Variants in TRIM2 observed in about 807,000 individuals in gnomAD.
TRIM2 encodes the protein tripartite motif-containing protein 2.
TRIM2 carries 20 observed loss-of-function variants against 75.2 expected under a neutral mutation model. The observed-to-expected ratio is 0.27, with a 90% confidence interval of 0.19 to 0.39. TRIM2 has a LOEUF of 0.39. TRIM2 is among the 10% of genes least tolerant of loss of function. The pLI is 1.00. For missense variants in TRIM2, 660 were observed against 990.8 expected (o/e 0.67, Z 4.48); for synonymous variants, 373 against 388.3 (o/e 0.96, Z 0.46).
intron 1 of TRIM2, among the ~76,000 whole-genome samples, chr4:153,244,418 TTC>T (rs369688061): frequency 1.3e-4 from 11 of 84,362 alleles, no homozygotes; most frequent in Admixed American, 3.9e-4. Flanking sequence ...CTTCTTCTTC[TTC>T]TTCTTCTTCT....
At chr4:153,157,625 G>A (rs909062894) in intron 1 of TRIM2, among the ~76,000 whole-genome samples, 14 of 152,134 alleles carry the variant, frequency 9.2e-5, no homozygotes, top group Admixed American at 5.9e-4. Flanking sequence ...TAGTGACTGC[G>A]TAAAAAATGT....
intron 8 of TRIM2, 114 bp from the exon 9 acceptor site, chr4:153,322,534 C>G: frequency 8.6e-7 from 1 of 1,160,858 alleles, no homozygotes. Flanking sequence ...TAGCTGTGTA[C>G]CCGTTTGAAC....
At chr4:153,186,243 C>A (rs1732584586) in intron 1 of TRIM2, among the ~76,000 whole-genome samples, 2 of 152,058 alleles carry the variant, frequency 1.3e-5, no homozygotes, top group African/African-American at 4.8e-5. Context: ...GGAACTGGGT[C>A]ACTTTTCCTC....
intron 1 of TRIM2, among the ~76,000 whole-genome samples, chr4:153,178,230 G>C (rs368517399): frequency 6.6e-6 from 1 of 151,936 alleles, no homozygotes; most frequent in Non-Finnish European, 1.5e-5. Flanking sequence ...AATGCAGCTC[G>C]GTTAGCACAG....
At chr4:153,233,609 A>G (rs1202504003) in intron 1 of TRIM2, among the ~76,000 whole-genome samples, 1 of 152,112 alleles carries the variant, frequency 6.6e-6, no homozygotes, top group Non-Finnish European at 1.5e-5. Context: ...GAAGAAACCC[A>G]TGGGAAAGGA....
In TRIM2 at chr4:153,230,282, G is replaced by A. The variant is rs532585364; in HGVS notation, c.30+25722G>A. Among the ~76,000 whole-genome samples, 172 of 152,222 alleles carry A rather than the reference G, an allele frequency of 1.1e-3. 1 individual carries two copies. Among genetic ancestry groups the A allele is most frequent in the Admixed American group, 3.3e-3 (51 of 15,300 alleles). The stretch of plus-strand genomic sequence containing the variant: ...TGCAGCCTTTGCCTCCAGGGCTCAA[G>A]CGATCCTCCCATCTCAGCCTCCTGA... On this transcript the variant is annotated intron_variant, in intron 1 of 11. Coordinates refer to ENST00000338700, the MANE Select transcript of TRIM2 (RefSeq NM_015271.5).
chr4:153,335,225 A>G lies in TRIM2; in HGVS notation c.*259A>G. 3.5e-6 allele frequency: 4 copies of G among 1,154,936 alleles called. No individual in the cohort carries two copies. Among genetic ancestry groups the G allele is most frequent in the Non-Finnish European group, 4.3e-6 (4 of 938,234 alleles). The allele number at this position is 1,154,936 out of a possible 1,614,324, so 71.5% of individuals were successfully genotyped here. On this transcript the variant is annotated 3_prime_UTR_variant, in exon 12 of 12. Transcript: ENST00000338700. ...ACATCTGTGAACTATGGCTTAAGGG[A>G]CAGGATTTATGTAGCTAAACTAATT...
chr4:153,196,760 C>T (rs1412185626), intron 1 of TRIM2, among the ~76,000 whole-genome samples: 3 of 152,170 alleles, frequency 2.0e-5, no homozygotes, highest in Non-Finnish European at 2.9e-5. Context: ...TTGCATGGGT[C>T]CTGGGATTAA....
chr4:153,317,291 G>A (rs1051314917), intron 8 of TRIM2, among the ~76,000 whole-genome samples: 1 of 151,816 alleles, frequency 6.6e-6, no homozygotes, highest in African/African-American at 2.4e-5. Flanking sequence ...ATTACTGTTT[G>A]GCCATCTGCA....
chr4:153,197,903 C>T (rs932083110), intron 1 of TRIM2, among the ~76,000 whole-genome samples: 25 of 152,096 alleles, frequency 1.6e-4, no homozygotes, highest in African/African-American at 5.8e-4. Context: ...ATGAGAGACC[C>T]GAGAGCTCTT....
At chr4:153,194,423 A>G (rs1191359117) in intron 1 of TRIM2, among the ~76,000 whole-genome samples, 2 of 152,116 alleles carry the variant, frequency 1.3e-5, no homozygotes, top group Non-Finnish European at 2.9e-5. Flanking sequence ...ATTTTGGTTG[A>G]TGCAACAACA....
upstream of TRIM2, among the ~76,000 whole-genome samples, chr4:153,200,691 C>A (rs1392755243): frequency 6.9e-6 from 1 of 144,440 alleles, no homozygotes; most frequent in African/African-American, 2.6e-5. Flanking sequence ...TCCTCCTCAA[C>A]ACTTGTTTTC....
At chr4:153,229,964 C>T (rs1743173965) in intron 1 of TRIM2, among the ~76,000 whole-genome samples, 1 of 152,174 alleles carries the variant, frequency 6.6e-6, no homozygotes, top group African/African-American at 2.4e-5. Flanking sequence ...CTTCAATCTT[C>T]CTTATTCAGC....
In TRIM2 at chr4:153,204,471, T is replaced by G; in HGVS notation, c.-60T>G. Reference sequence around the variant, plus strand: ...AGCTTGATGACTATAATGGGCCCAGTTGTCTGCGGGCTGCGGGGAGCTAAG... The same window carrying G: ...AGCTTGATGACTATAATGGGCCCAGGTGTCTGCGGGCTGCGGGGAGCTAAG... On this transcript the variant is annotated 5_prime_UTR_variant, in exon 1 of 12. Transcript: ENST00000338700. The G allele has an allele frequency of 6.5e-7, 1 of 1,546,276 alleles. No homozygotes were observed. Among genetic ancestry groups the G allele is most frequent in the South Asian group, 1.2e-5 (1 of 83,936 alleles).
Position 153,254,632 on chromosome 4 carries a change from C to A in TRIM2, c.31-15703C>A, listed in dbSNP as rs116169643. 3.2e-3 allele frequency among the ~76,000 whole-genome samples: 483 copies of A among 152,318 alleles called. 1 individual carries two copies. The highest frequency in any genetic ancestry group is 0.011 in the African/African-American group (456 of 41,576). ...CCAAGGAGATGATGCTTGGCATTTCCGTGGGGGCCTCCCACGGTTACCCAA... is the reference window on the plus strand; with the variant it reads ...CCAAGGAGATGATGCTTGGCATTTCAGTGGGGGCCTCCCACGGTTACCCAA... On this transcript the variant is annotated intron_variant, in intron 1 of 11. Coordinates refer to ENST00000338700, the MANE Select transcript of TRIM2 (RefSeq NM_015271.5).
intron 1 of TRIM2, among the ~76,000 whole-genome samples, chr4:153,175,340 C>G (rs976910129): frequency 1.3e-5 from 2 of 151,962 alleles, no homozygotes; most frequent in Non-Finnish European, 2.9e-5. Context: ...CAGTTTTTTT[C>G]CGGCGTATTG....
chr4:153,195,943 G>A (rs1733718798), intron 1 of TRIM2, among the ~76,000 whole-genome samples: 1 of 152,158 alleles, frequency 6.6e-6, no homozygotes, highest in Non-Finnish European at 1.5e-5. Flanking sequence ...CCAAGTAGCA[G>A]GGATTACTGG....
chr4:153,279,054 G>C (rs759306509), intron 3 of TRIM2, among the ~76,000 whole-genome samples: 4 of 152,194 alleles, frequency 2.6e-5, no homozygotes, highest in Non-Finnish European at 5.9e-5. Flanking sequence ...CTGAACAGGA[G>C]ATAGGTATTT....
intron 1 of TRIM2, among the ~76,000 whole-genome samples, chr4:153,210,494 G>A (rs1736689443): frequency 6.6e-6 from 1 of 152,162 alleles, no homozygotes; most frequent in Non-Finnish European, 1.5e-5. Flanking sequence ...ACAGGCAACT[G>A]GGCAATAATT....
Sources: allele counts gnomAD v4.1 joint callset (sites outside exome capture counted in the v4.1 genomes callset), GRCh38; gene constraint gnomAD v4.1.1; transcripts MANE v1.5; gene names NCBI Gene and HGNC (gene_info 2026-07-23, HGNC 2026-07-21).